The following SPMIP2 variants were observed in gnomAD, a reference collection of about 807,000 sequenced individuals.
SPMIP2 encodes the protein protein SPMIP2.
the SPMIP2 span, among the ~76,000 whole-genome samples, chr4:159,005,357 T>C: frequency 6.6e-6 from 1 of 151,884 alleles, no homozygotes; most frequent in Admixed American, 6.6e-5. Context: ...GGCAGGATAA[T>C]TGCTTAAACC....
chr4:158,921,953 T>C, the SPMIP2 span, among the ~76,000 whole-genome samples: 4 of 149,306 alleles, frequency 2.7e-5, no homozygotes, highest in African/African-American at 5.0e-5. Context: ...AGTGGTGCAA[T>C]CTTGGCTCAC....
chr4:159,044,773 G>A, the SPMIP2 span, among the ~76,000 whole-genome samples: 1 of 152,198 alleles, frequency 6.6e-6, no homozygotes, highest in African/African-American at 2.4e-5. Context: ...GGTGGCACAA[G>A]GCATTTTCTT....
chr4:158,901,302 A>C, the SPMIP2 span, among the ~76,000 whole-genome samples: 1 of 151,920 alleles, frequency 6.6e-6, no homozygotes, highest in South Asian at 2.1e-4. Context: ...TTCTTTTAAG[A>C]ATGTTGAATA....
the SPMIP2 span, among the ~76,000 whole-genome samples, chr4:159,059,866 G>A: frequency 3.3e-5 from 5 of 152,226 alleles, no homozygotes; most frequent in Admixed American, 2.6e-4. Context: ...ATGCTCAGGG[G>A]ACTGTGCTTG....
chr4:158,958,520 G>A, the SPMIP2 span, among the ~76,000 whole-genome samples: 2 of 152,200 alleles, frequency 1.3e-5, no homozygotes, highest in African/African-American at 4.8e-5. Flanking sequence ...CATATACTGA[G>A]GCTGGCTGGT....
the SPMIP2 span, among the ~76,000 whole-genome samples, chr4:158,920,470 T>C: frequency 6.6e-6 from 1 of 152,080 alleles, no homozygotes; most frequent in Non-Finnish European, 1.5e-5. Flanking sequence ...TTAATATTAA[T>C]ACTGTGGGAA....
chr4:159,065,111 T>C, the SPMIP2 span, among the ~76,000 whole-genome samples: 1 of 152,228 alleles, frequency 6.6e-6, no homozygotes, highest in African/African-American at 2.4e-5. Context: ...CTCACATACA[T>C]TTGCACTTTT....
chr4:158,969,851 A>G, the SPMIP2 span, among the ~76,000 whole-genome samples: 2 of 152,234 alleles, frequency 1.3e-5, no homozygotes, highest in African/African-American at 4.8e-5. Context: ...CCAAGCTCTG[A>G]GCAATTGCCA....
At chr4:158,929,505 T>C in the SPMIP2 span, among the ~76,000 whole-genome samples, 2 of 152,386 alleles carry the variant, frequency 1.3e-5, no homozygotes, top group Non-Finnish European at 2.9e-5. Context: ...GCCTTGCATT[T>C]CATTTAAATA....
chr4:159,023,016 G>A, the SPMIP2 span, among the ~76,000 whole-genome samples: 9 of 149,934 alleles, frequency 6.0e-5, no homozygotes, highest in Non-Finnish European at 1.0e-4. Flanking sequence ...GCGACAGAGC[G>A]AGACTCCATC....
chr4:158,988,023 T>C, the SPMIP2 span, among the ~76,000 whole-genome samples: 6 of 151,176 alleles, frequency 4.0e-5, no homozygotes, highest in African/African-American at 1.5e-4. Flanking sequence ...AAGGAGAGAA[T>C]ATTCAAATAG....
the SPMIP2 span, among the ~76,000 whole-genome samples, chr4:159,009,201 C>A: frequency 1.3e-5 from 2 of 152,200 alleles, no homozygotes; most frequent in Non-Finnish European, 2.9e-5. Flanking sequence ...TATAGCATGG[C>A]TTCTCATACA....
the SPMIP2 span, among the ~76,000 whole-genome samples, chr4:159,039,363 T>C: frequency 2.1e-3 from 326 of 152,172 alleles, 1 homozygote; most frequent in Middle Eastern, 3.4e-3. Flanking sequence ...ACTGTTGAAG[T>C]GGCCCAGGGG....
the SPMIP2 span, among the ~76,000 whole-genome samples, chr4:159,061,893 A>T: frequency 6.6e-6 from 1 of 151,708 alleles, no homozygotes; most frequent in South Asian, 2.1e-4. Flanking sequence ...AAAACTGCGA[A>T]TGTCTTATCC....
At chr4:158,900,949 G>C in the SPMIP2 span, among the ~76,000 whole-genome samples, 2 of 152,054 alleles carry the variant, frequency 1.3e-5, no homozygotes, top group Admixed American at 6.6e-5. Flanking sequence ...TTACAATTTG[G>C]TATGTTTTTG....
At chr4:159,033,421 T>C in the SPMIP2 span, among the ~76,000 whole-genome samples, 3 of 152,078 alleles carry the variant, frequency 2.0e-5, no homozygotes, top group Non-Finnish European at 2.9e-5. Context: ...ATATATTTAA[T>C]AGCATAAAAA....
chr4:158,988,262 C>T, the SPMIP2 span, among the ~76,000 whole-genome samples: 1 of 152,034 alleles, frequency 6.6e-6, no homozygotes. Flanking sequence ...AGCCTGCCAA[C>T]CAAAAAATGT....
the SPMIP2 span, among the ~76,000 whole-genome samples, chr4:158,944,311 TG>T: frequency 3.3e-5 from 5 of 152,106 alleles, no homozygotes; most frequent in Admixed American, 3.3e-4. Context: ...GTCTCTGTCT[TG>T]GTGAGACAGA....
chr4:159,031,143 A>G, the SPMIP2 span, among the ~76,000 whole-genome samples: 1 of 152,212 alleles, frequency 6.6e-6, no homozygotes, highest in Admixed American at 6.5e-5. Flanking sequence ...AGTTCCAAAC[A>G]TGGAGGAAAG....
Sources: allele counts gnomAD v4.1 joint callset (sites outside exome capture counted in the v4.1 genomes callset), GRCh38; gene constraint gnomAD v4.1.1; transcripts MANE v1.5; gene names NCBI Gene and HGNC (gene_info 2026-07-23, HGNC 2026-07-21).